The following TRIM36 variants were observed in gnomAD, a reference collection of about 807,000 sequenced individuals.
The protein encoded by TRIM36 is E3 ubiquitin-protein ligase TRIM36.
In TRIM36, 42 loss-of-function variants were observed where a neutral mutation model predicts 72.4. That is an observed-to-expected ratio of 0.58 (90% CI 0.45 to 0.75). TRIM36 has a LOEUF of 0.75. Among genes scored for constraint, TRIM36 ranks in the 30% least tolerant of loss-of-function variants. The pLI, the probability that TRIM36 is intolerant of heterozygous loss-of-function variation, is 0.00. For missense variants in TRIM36, 913 were observed against 857.1 expected (o/e 1.07, Z -0.81); for synonymous variants, 315 against 282.8 (o/e 1.11, Z -1.14).
chr5:115,137,559 C>T lies in TRIM36; in HGVS notation c.889G>A (p.Val297Ile), dbSNP rs375756908. 6 of 1,613,452 alleles carry T rather than the reference C, an allele frequency of 3.7e-6. No individual in the cohort carries two copies. In the African/African-American group the frequency reaches 6.7e-5, roughly 18 times the overall value. ...ACAGATGATTTCCTCTCTTCCAGAA[C>T]TTCAAAGAGCTTTTCAAAATGTGTA... ...AITHFEKLFEVLEERKSSVLK... is the reference protein window; with the variant it reads ...AITHFEKLFEILEERKSSVLK... Residue 297 changes from valine to isoleucine, a missense_variant, in exon 6 of 10, where the codon GTT (valine) becomes ATT (isoleucine). Transcript: ENST00000513154.
At chr5:115,156,439 A>G (rs1221942593) in intron 2 of TRIM36, among the ~76,000 whole-genome samples, 2 of 152,218 alleles carry the variant, frequency 1.3e-5, no homozygotes, top group Non-Finnish European at 2.9e-5. Context: ...ATAGTCACTG[A>G]AACAGTATGG....
At chr5:115,148,219 A>G in intron 2 of TRIM36, 1 of 583,286 alleles carries the variant, frequency 1.7e-6, no homozygotes, top group Non-Finnish European at 2.2e-6. Context: ...TACCCCAAAA[A>G]CACTACAAAT....
chr5:115,155,026 CA>C (rs77105761), intron 2 of TRIM36, among the ~76,000 whole-genome samples: 222 of 140,072 alleles, frequency 1.6e-3, no homozygotes, highest in Non-Finnish European at 1.5e-3. Flanking sequence ...ACTAAAAATA[CA>C]AAAAAAAAAA....
Position 115,169,902 on chromosome 5 carries a change from G to C in TRIM36, c.-268C>G, listed in dbSNP as rs557796838. On this transcript the variant is annotated 5_prime_UTR_variant, in exon 1 of 10. Transcript: ENST00000513154. ...TGCCGGCTGCAGCAGCGGCTCCTGC[G>C]GACTGCGGCTGGGAACGGCGCCGCG... 57 of 1,293,420 alleles carry C rather than the reference G, an allele frequency of 4.4e-5. No homozygotes were observed. The African/African-American group carries it at 8.3e-4, about 19-fold the overall frequency. 80.1% of individuals were successfully genotyped at this position (1,293,420 alleles called of 1,614,324 possible). A position where few individuals can be genotyped will look rare whatever the true frequency, so the allele number is the denominator to read the frequency against.
intron 1 of TRIM36, among the ~76,000 whole-genome samples, chr5:115,169,315 T>C (rs1355882869): frequency 6.6e-6 from 1 of 152,212 alleles, no homozygotes; most frequent in Non-Finnish European, 1.5e-5. Context: ...CTGAGCTCCA[T>C]TAGAGAGACC....
Position 115,126,708 on chromosome 5 carries a change from G to A in TRIM36, c.1946C>T (p.Pro649Leu), listed in dbSNP as rs368817218. ...GAAAATCCCAATACTTGTTGGCATA[G>A]GGAGAACTCTATTTTCAGGTTCATT... ...SSNEPENRVLPMPTSIGIFLD... is the reference protein window; with the variant it reads ...SSNEPENRVLLMPTSIGIFLD... Residue 649 changes from proline to leucine, a missense_variant, in exon 10 of 10, where the codon CCT becomes CTT. Physicochemically the swap from Pro to Leu is moderately conservative, Grantham distance 98. Transcript: ENST00000513154. 1.9e-6 allele frequency: 3 copies of A among 1,614,046 alleles called. No individual in the cohort carries two copies. The highest frequency in any genetic ancestry group is 2.2e-5 in the South Asian group (2 of 91,088).
At chr5:115,157,764 G>A (rs1379200782) in intron 2 of TRIM36, among the ~76,000 whole-genome samples, 1 of 152,052 alleles carries the variant, frequency 6.6e-6, no homozygotes, top group Non-Finnish European at 1.5e-5. Flanking sequence ...ATATATACAC[G>A]ACGGAATACT....
chr5:115,148,533 G>A (rs1030964613), intron 2 of TRIM36, among the ~76,000 whole-genome samples: 8 of 147,142 alleles, frequency 5.4e-5, no homozygotes, highest in Admixed American at 1.4e-4. Flanking sequence ...GCTTCAGCCT[G>A]CCAAGTAGCT....
chr5:115,173,015 G>A (rs1178651875), upstream of TRIM36, among the ~76,000 whole-genome samples: 1 of 152,176 alleles, frequency 6.6e-6, no homozygotes, highest in Non-Finnish European at 1.5e-5. Flanking sequence ...AACAAAAGGT[G>A]AGGGGAAGAA....
rs1467953308 is a variant in TRIM36 at position 115,169,673 on chromosome 5, C to G, written c.-39G>C. 6.6e-7 allele frequency: 1 copy of G among 1,516,146 alleles called. No individual in the cohort carries two copies. Among genetic ancestry groups the G allele is most frequent in the Non-Finnish European group, 8.8e-7 (1 of 1,136,548 alleles). 93.9% of individuals were successfully genotyped at this position (1,516,146 alleles called of 1,614,324 possible). A position where few individuals can be genotyped will look rare whatever the true frequency, so the allele number is the denominator to read the frequency against. ...CAGGTGTCATCAGCGGCACGTTCCA[C>G]TCACACCGGCTACCGAGCGCAGGGT... On this transcript the variant is annotated 5_prime_UTR_variant, in exon 1 of 10. Transcript: ENST00000513154.
intron 9 of TRIM36, among the ~76,000 whole-genome samples, chr5:115,129,815 A>G (rs572423617): frequency 6.6e-6 from 1 of 152,300 alleles, no homozygotes; most frequent in South Asian, 2.1e-4. Context: ...ATTTTTTTCA[A>G]TATGCCTATG....
intron 2 of TRIM36, among the ~76,000 whole-genome samples, chr5:115,156,948 A>G (rs1248071494): frequency 6.6e-6 from 1 of 152,254 alleles, no homozygotes; most frequent in East Asian, 1.9e-4. Context: ...CAGAATCTAC[A>G]ATGAACTCAA....
intron 1 of TRIM36, among the ~76,000 whole-genome samples, chr5:115,168,549 A>G (rs1282019009): frequency 6.6e-6 from 1 of 152,238 alleles, no homozygotes; most frequent in Non-Finnish European, 1.5e-5. Flanking sequence ...AGTGACACCA[A>G]GTGCTTCAAT....
At chr5:115,135,903 A>G (rs1752941406) in intron 7 of TRIM36, among the ~76,000 whole-genome samples, 2 of 152,198 alleles carry the variant, frequency 1.3e-5, no homozygotes, top group Admixed American at 6.5e-5. Flanking sequence ...CCTTGTATTA[A>G]TGTACAAATC....
At chr5:115,159,563 G>A in intron 2 of TRIM36, 1 of 419,758 alleles carries the variant, frequency 2.4e-6, no homozygotes, top group Non-Finnish European at 4.7e-6. Flanking sequence ...TGATGTTTAA[G>A]AATCTTACAC....
At chr5:115,144,563 A>G in intron 4 of TRIM36, 35 bp downstream of exon 4, 1 of 1,612,016 alleles carries the variant, frequency 6.2e-7, no homozygotes, top group Non-Finnish European at 8.5e-7. Context: ...TAAAGTTACG[A>G]AGAATCAAAA....
chr5:115,126,624 T>C lies in TRIM36; in HGVS notation c.2030A>G (p.Tyr677Cys), dbSNP rs1227198471. 1.2e-6 allele frequency: 2 copies of C among 1,614,178 alleles called. No individual in the cohort carries two copies. Among genetic ancestry groups the C allele is most frequent in the Admixed American group, 1.7e-5 (1 of 60,028 alleles). Residue 677 changes from tyrosine to cysteine, a missense_variant, in exon 10 of 10, where the codon TAT becomes TGT. Tyr to Cys is a radical substitution (Grantham distance 194, BLOSUM62 -2). Coordinates refer to ENST00000513154, the MANE Select transcript of TRIM36 (RefSeq NM_001300759.2). The part of the protein sequence containing the change: ...FYDMDQMKCL[Y>C]ERQVDCSHTL... ...ATGTGAACAGTCCACTTGGCGTTCA[T>C]AAAGGCATTTCATCTGATCCATATC...
chr5:115,124,978 G>GT lies in TRIM36; in HGVS notation c.*1524dup, dbSNP rs1476723422. The GT allele has an allele frequency of 1.3e-5, 2 of 152,452 alleles. No homozygotes were observed. Among genetic ancestry groups the GT allele is most frequent in the East Asian group, 3.8e-4 (2 of 5,204 alleles). The allele number at this position is 152,452 out of a possible 1,614,324, so 9.4% of individuals were successfully genotyped here. A position where few individuals can be genotyped will look rare whatever the true frequency, so the allele number is the denominator to read the frequency against. On this transcript the variant is annotated 3_prime_UTR_variant, in exon 10 of 10. Coordinates refer to ENST00000513154, the MANE Select transcript of TRIM36 (RefSeq NM_001300759.2). The stretch of plus-strand genomic sequence containing the variant: ...CACATAACGCTGCATTATTTGCTTA[G>GT]TTTAGCCTACATCATAAAGTGCTAT...
intron 5 of TRIM36, among the ~76,000 whole-genome samples, chr5:115,137,847 C>T (rs2974620): frequency 0.99 from 151,008 of 152,360 alleles, 74,847 homozygotes; most frequent in Middle Eastern, 1. Flanking sequence ...CAAAGAACAA[C>T]TGACAACTTT....
Sources: gnomAD v4.1 joint callset for allele counts (sites outside exome capture counted in the v4.1 genomes callset) on GRCh38, gnomAD v4.1.1 for gene constraint, MANE v1.5 for transcripts, NCBI Gene and HGNC (gene_info 2026-07-23, HGNC 2026-07-21) for gene names.